The following ABHD6 variants were observed in gnomAD, a reference collection of about 807,000 sequenced individuals.
ABHD6 encodes abhydrolase domain containing 6, acylglycerol lipase.
A neutral mutation model predicts 38.8 loss-of-function variants in ABHD6; 33 were observed. The ratio of observed to expected loss-of-function variants is 0.85; its 90% CI spans 0.64 to 1.14. ABHD6 has a LOEUF of 1.14. ABHD6 is among the 50% of genes most tolerant of loss of function. The pLI, the probability that ABHD6 is intolerant of heterozygous loss-of-function variation, is 0.00. For synonymous variants in ABHD6, 147 were observed against 161.6 expected (o/e 0.91, Z 0.69); for missense variants, 380 against 422.6 (o/e 0.90, Z 0.88).
chr3:58,239,986 C>T (rs76328177), intron 1 of ABHD6, among the ~76,000 whole-genome samples: 1 of 139,782 alleles, frequency 7.2e-6, no homozygotes, highest in African/African-American at 2.7e-5. Context: ...CCCATCTCTA[C>T]CAAAAAAAAA....
In ABHD6 at chr3:58,293,214, C is replaced by T. The variant is rs771853197; in HGVS notation, c.838-375C>T. ...TGTGCCATTCCCACATCCGTGAATG[C>T]TCCTCCCCTGTCCCCTTTCTGCTCT... On this transcript the variant is annotated intron_variant, in intron 9 of 9. Transcript: ENST00000478253. The surrounding 1 kb of genome is among the most constrained non-coding windows in gnomAD (Gnocchi z 4.4). Among the ~76,000 whole-genome samples the T allele has an allele frequency of 3.9e-5, 6 of 152,148 alleles. No individual in the cohort carries two copies. Among genetic ancestry groups the T allele is most frequent in the Non-Finnish European group, 7.4e-5 (5 of 68,016 alleles).
intron 2 of ABHD6, among the ~76,000 whole-genome samples, chr3:58,253,123 G>A (rs1382175345): frequency 6.6e-6 from 1 of 151,706 alleles, no homozygotes; most frequent in Non-Finnish European, 1.5e-5. Flanking sequence ...GACCTTCGCT[G>A]AAACTGACTG....
At position 58,286,848 on chromosome 3, in the gene ABHD6, G is replaced by GCATATATATATATATATATATA. The variant is rs746605515; in HGVS notation, c.837+1395_837+1396insCATATATATATATATATATATA. ...TGTGTGTGTGTGTGTGTGTGTGTGT[G>GCATATATATATATATATATATA]TGTGTATATATATATATATATGTAT... On this transcript the variant is annotated intron_variant, in intron 9 of 9. Transcript: ENST00000478253. 5.5e-3 allele frequency among the ~76,000 whole-genome samples: 388 copies of GCATATATATATATATATATATA among 69,990 alleles called. 37 individuals carry two copies. The highest frequency in any genetic ancestry group is 6.0e-3 in the African/African-American group (107 of 17,850). The allele number at this position is 69,990 out of a possible 152,430, so 45.9% of individuals were successfully genotyped here. A position where few individuals can be genotyped will look rare whatever the true frequency, so the allele number is the denominator to read the frequency against.
At chr3:58,245,825 G>A (rs73077987) in intron 1 of ABHD6, among the ~76,000 whole-genome samples, 850 of 46,826 alleles carry the variant, frequency 0.018, 5 homozygotes, top group African/African-American at 0.12. Flanking sequence ...AAGAAAGAAA[G>A]AAAAAGAAAG....
rs1203028900 is a variant in ABHD6, at chr3:58,259,877, CA to C, written c.119+3173del. Among the ~76,000 whole-genome samples the C allele has an allele frequency of 6.6e-6, 1 of 152,324 alleles. No individual in the cohort carries two copies. The highest frequency in any genetic ancestry group is 1.9e-4 in the East Asian group (1 of 5,184). On this transcript the variant is annotated intron_variant, in intron 3 of 9. Coordinates refer to ENST00000478253, the MANE Select transcript of ABHD6 (RefSeq NM_001320126.2). This position sits in a 1 kb window ranked among gnomAD's most constrained non-coding sequence, Gnocchi z 4.7. ...CTCACTTCATCTTCTGGCAACCACT[CA>C]TCTACTTCCTGTCTTTTTAGATGTG... is the stretch of plus-strand genomic sequence containing the variant.
At chr3:58,272,511 T>C (rs986290458) in intron 6 of ABHD6, among the ~76,000 whole-genome samples, 16 of 152,204 alleles carry the variant, frequency 1.1e-4, no homozygotes, top group African/African-American at 3.9e-4. Flanking sequence ...TTTCGATATG[T>C]TGAGGACATT....
Position 58,281,143 on chromosome 3 carries a change from G to A in ABHD6, c.682-3942G>A, listed in dbSNP as rs2097452870. ...GCTCTCTTCAGCGCTGTCAGACAGG[G>A]ACATTTAAGTCTGCAGAAATTGCCT... On this transcript the variant is annotated intron_variant, in intron 7 of 9. Transcript: ENST00000478253. 2.0e-5 allele frequency among the ~76,000 whole-genome samples: 3 copies of A among 152,352 alleles called. No individual in the cohort carries two copies. In the South Asian group the frequency reaches 6.2e-4, roughly 32 times the overall value.
Position 58,293,040 on chromosome 3 carries a change from C to CTGTGGT in ABHD6, c.838-547_838-542dup, listed in dbSNP as rs1010075750. Reference sequence around the variant, plus strand: ...ATCAAGTCACTCACCTTAACACAGCCTGTGGTTCCCCATGGTCCGTGTGGC... The same window carrying CTGTGGT: ...ATCAAGTCACTCACCTTAACACAGCCTGTGGTTGTGGTTCCCCATGGTCCGTGTGGC... On this transcript the variant is annotated intron_variant, in intron 9 of 9. Transcript: ENST00000478253. This position sits in a 1 kb window ranked among gnomAD's most constrained non-coding sequence, Gnocchi z 4.4. Among the ~76,000 whole-genome samples, 5 of 152,208 alleles carry CTGTGGT rather than the reference C, an allele frequency of 3.3e-5. No homozygotes were observed. Among genetic ancestry groups the CTGTGGT allele is most frequent in the African/African-American group, 1.2e-4 (5 of 41,444 alleles).
At chr3:58,278,465 A>G (rs1176287161) in intron 7 of ABHD6, among the ~76,000 whole-genome samples, 1 of 151,804 alleles carries the variant, frequency 6.6e-6, no homozygotes, top group East Asian at 1.9e-4. Flanking sequence ...ATCATTTTTT[A>G]TTGTGTCTAT....
chr3:58,286,840 G>GTATATATATA (rs1261741081), intron 9 of ABHD6, among the ~76,000 whole-genome samples: 15 of 36,418 alleles, frequency 4.1e-4, no homozygotes, highest in African/African-American at 1.8e-3. Flanking sequence ...GTGTGTGTGT[G>GTATATATATA]TGTGTGTGTG....
chr3:58,252,746 A>T (rs1412055095), intron 2 of ABHD6, among the ~76,000 whole-genome samples: 2 of 152,174 alleles, frequency 1.3e-5, no homozygotes, highest in African/African-American at 4.8e-5. Context: ...ATTTTTGGCC[A>T]TTGGCAGTTC....
intron 4 of ABHD6, among the ~76,000 whole-genome samples, chr3:58,268,016 TGAAC>T (rs1278021140): frequency 1.6e-4 from 24 of 152,160 alleles, no homozygotes; most frequent in Non-Finnish European, 1.5e-5. Context: ...AAGGCTGCAG[TGAAC>T]CAAGATCGTG....
At chr3:58,254,897 A>T (rs1011249208) in intron 2 of ABHD6, among the ~76,000 whole-genome samples, 6 of 151,900 alleles carry the variant, frequency 3.9e-5, no homozygotes, top group African/African-American at 1.4e-4. Context: ...TATATATATA[A>T]AATAGAGATG....
chr3:58,239,108 C>A (rs1317906507), intron 1 of ABHD6, among the ~76,000 whole-genome samples: 3 of 152,072 alleles, frequency 2.0e-5, no homozygotes, highest in Admixed American at 1.3e-4. Context: ...AGAACCACCC[C>A]CTTCCCCCAA....
intron 3 of ABHD6, among the ~76,000 whole-genome samples, chr3:58,258,236 G>A (rs1210815569): frequency 6.6e-6 from 1 of 152,154 alleles, no homozygotes; most frequent in Non-Finnish European, 1.5e-5. Context: ...GATCCTGGGA[G>A]GTGGAGGTTG....
rs2097434484 is a variant in ABHD6, at chr3:58,257,982, T to A, written c.119+1277T>A. On this transcript the variant is annotated intron_variant, in intron 3 of 9. Transcript: ENST00000478253. This position sits in a 1 kb window ranked among gnomAD's most constrained non-coding sequence, Gnocchi z 4.8. ...AAAAAGTGATATGAATATCACTCCC[T>A]TAAGTGAAAAGCTTGCCATAAATAG... Among the ~76,000 whole-genome samples, 1 of 152,134 alleles carries A rather than the reference T, an allele frequency of 6.6e-6. No individual in the cohort carries two copies. The highest frequency in any genetic ancestry group is 1.5e-5 in the Non-Finnish European group (1 of 68,014).
intron 7 of ABHD6, among the ~76,000 whole-genome samples, chr3:58,276,985 G>T (rs1233699829): frequency 1.3e-5 from 2 of 152,114 alleles, no homozygotes; most frequent in Non-Finnish European, 2.9e-5. Flanking sequence ...ATCTGTTTTT[G>T]TACCAGTACC....
Position 58,274,706 on chromosome 3 carries a change from T to C in ABHD6, c.572T>C (p.Leu191Pro), listed in dbSNP as rs772714845. ...DNQFVQRLKE[L>P]QGSAAVEKIP... ...CAATTTGTACAACGGCTCAAAGAAC[T>C]GCAGGGCTCTGCCGCCGTGGAGAAG... Residue 191 changes from leucine (L) to proline (P), a missense_variant, in exon 7 of 10, where the codon CTG becomes CCG. Leu to Pro is a moderately conservative substitution (Grantham distance 98, BLOSUM62 -3). Transcript: ENST00000478253. 1.2e-6 allele frequency: 2 copies of C among 1,614,242 alleles called. No individual in the cohort carries two copies. The highest frequency in any genetic ancestry group is 2.2e-5 in the South Asian group (2 of 91,086).
At chr3:58,286,860 A>ATATATATG (rs1559784474) in intron 9 of ABHD6, among the ~76,000 whole-genome samples, 8 of 121,366 alleles carry the variant, frequency 6.6e-5, no homozygotes, top group African/African-American at 2.8e-4. Flanking sequence ...GTGTATATAT[A>ATATATATG]TATATATATG....
Sources: gnomAD v4.1 joint callset for allele counts (sites outside exome capture counted in the v4.1 genomes callset) on GRCh38, gnomAD v4.1.1 for gene constraint, Gnocchi (gnomAD v3.1) non-coding constraint, MANE v1.5 for transcripts, NCBI Gene and HGNC (gene_info 2026-07-23, HGNC 2026-07-21) for gene names.